Variants in NEGR1 observed in about 807,000 individuals in gnomAD.
NEGR1 encodes neuronal growth regulator 1.
In NEGR1, 10 loss-of-function variants were observed where a neutral mutation model predicts 40.9. The ratio of observed to expected loss-of-function variants is 0.24; its 90% CI spans 0.15 to 0.42. The LOEUF is 0.42. Ranked by LOEUF, NEGR1 falls within the 10% of genes least tolerant of loss-of-function variation. The pLI, the probability that NEGR1 is intolerant of heterozygous loss-of-function variation, is 1.00. For missense variants in NEGR1, 352 were observed against 438.9 expected (o/e 0.80, Z 1.77); for synonymous variants, 185 against 166.8 (o/e 1.11, Z -0.84).
At chr1:72,274,919 A>G (rs1655986031) in intron 1 of NEGR1, 4 of 1,578,502 alleles carry the variant, frequency 2.5e-6, no homozygotes, top group East Asian at 2.2e-5. Flanking sequence ...CGAAAGTCAG[A>G]TATCTACGTC....
At chr1:72,046,771 T>C (rs535789480) in intron 1 of NEGR1, among the ~76,000 whole-genome samples, 1 of 151,738 alleles carries the variant, frequency 6.6e-6, no homozygotes, top group South Asian at 2.1e-4. Flanking sequence ...ATGCAAGATA[T>C]AAGACAAAGA....
At chr1:72,265,911 CT>C (rs534374524) in intron 1 of NEGR1, among the ~76,000 whole-genome samples, 69 of 150,570 alleles carry the variant, frequency 4.6e-4, no homozygotes, top group African/African-American at 1.5e-3. Flanking sequence ...TTATACTCCC[CT>C]ATTCAAAAAA....
At chr1:72,170,493 T>C (rs1481520477) in intron 1 of NEGR1, among the ~76,000 whole-genome samples, 1 of 152,172 alleles carries the variant, frequency 6.6e-6, no homozygotes, top group Non-Finnish European at 1.5e-5. Context: ...GTATTCAAAA[T>C]GGAATCTGGA....
chr1:71,968,987 C>T (rs1194042641), intron 1 of NEGR1, among the ~76,000 whole-genome samples: 1 of 151,968 alleles, frequency 6.6e-6, no homozygotes, highest in Non-Finnish European at 1.5e-5. Context: ...GGCTGCAGCT[C>T]AACCCCTACA....
chr1:72,274,764 G>A, intron 1 of NEGR1: 1 of 1,271,752 alleles, frequency 7.9e-7, no homozygotes, highest in Non-Finnish European at 1.2e-6. Flanking sequence ...GCTGTAAGCA[G>A]TTCATCTGTG....
intron 1 of NEGR1, among the ~76,000 whole-genome samples, chr1:72,192,899 T>C (rs1398433054): frequency 6.6e-6 from 1 of 151,888 alleles, no homozygotes; most frequent in Admixed American, 6.6e-5. Context: ...ATTAGGTTAT[T>C]GATGGCCTGA....
intron 2 of NEGR1, among the ~76,000 whole-genome samples, chr1:71,920,470 A>T (rs879856024): frequency 1.3e-5 from 2 of 152,174 alleles, no homozygotes; most frequent in Non-Finnish European, 2.9e-5. Flanking sequence ...AAAGCTGGGT[A>T]TGATCCTACA....
chr1:71,768,253 G>A (rs1373169936), intron 3 of NEGR1, among the ~76,000 whole-genome samples: 1 of 152,184 alleles, frequency 6.6e-6, no homozygotes, highest in Non-Finnish European at 1.5e-5. Flanking sequence ...ATTAGCCCAT[G>A]AGAGCAGCCA....
intron 6 of NEGR1, among the ~76,000 whole-genome samples, chr1:71,561,595 CAAAT>C (rs1439764947): frequency 1.3e-5 from 2 of 151,568 alleles, no homozygotes; most frequent in Non-Finnish European, 3.0e-5. Flanking sequence ...GCTATTAAAA[CAAAT>C]AGTCATCTGA....
chr1:71,971,357 G>T (rs1459133355), intron 1 of NEGR1, among the ~76,000 whole-genome samples: 1 of 152,108 alleles, frequency 6.6e-6, no homozygotes, highest in African/African-American at 2.4e-5. Flanking sequence ...CCAAGGAAAT[G>T]AATTCATTCA....
At chr1:71,697,202 A>C (rs1653505264) in intron 4 of NEGR1, among the ~76,000 whole-genome samples, 1 of 151,910 alleles carries the variant, frequency 6.6e-6, no homozygotes, top group South Asian at 2.1e-4. Context: ...AAGATAAGTA[A>C]GTAGAATTTT....
chr1:71,579,603 A>AT (rs36097070), intron 6 of NEGR1, among the ~76,000 whole-genome samples: 26,899 of 138,802 alleles, frequency 0.19, 4,921 homozygotes, highest in African/African-American at 0.47. Flanking sequence ...ACTACTTAAG[A>AT]TTTTTTTTTT....
intron 4 of NEGR1, among the ~76,000 whole-genome samples, chr1:71,621,479 C>T (rs1167525874): frequency 1.3e-5 from 2 of 151,332 alleles, no homozygotes; most frequent in African/African-American, 2.4e-5. Context: ...ACAAGAAAGA[C>T]AATAAGTGAA....
chr1:71,511,855 T>C (rs568216176), intron 6 of NEGR1, among the ~76,000 whole-genome samples: 1 of 152,326 alleles, frequency 6.6e-6, no homozygotes, highest in South Asian at 2.1e-4. Context: ...GGCCCATCTT[T>C]CTTTATGTTC....
intron 2 of NEGR1, among the ~76,000 whole-genome samples, chr1:71,833,113 C>T (rs918718668): frequency 5.3e-5 from 8 of 151,900 alleles, no homozygotes; most frequent in African/African-American, 1.7e-4. Context: ...GGAAAAATTA[C>T]GTTTTCTTCA....
chr1:71,475,799 G>T (rs1033581813), intron 6 of NEGR1, among the ~76,000 whole-genome samples: 3 of 151,710 alleles, frequency 2.0e-5, no homozygotes, highest in African/African-American at 7.3e-5. Flanking sequence ...CTTTCTCTCT[G>T]GCAAAAATTT....
intron 2 of NEGR1, among the ~76,000 whole-genome samples, chr1:71,856,242 A>C (rs1046208446): frequency 6.6e-6 from 1 of 152,060 alleles, no homozygotes; most frequent in African/African-American, 2.4e-5. Flanking sequence ...TACATAAGGA[A>C]ATATAAGTTT....
chr1:71,427,608 C>A (rs991308516), intron 6 of NEGR1, among the ~76,000 whole-genome samples: 1 of 151,990 alleles, frequency 6.6e-6, no homozygotes, highest in African/African-American at 2.4e-5. Context: ...ATAGTATTTC[C>A]TGCACCTTTA....
chr1:71,589,006 A>G (rs641226), intron 6 of NEGR1, among the ~76,000 whole-genome samples: 136,129 of 152,108 alleles, frequency 0.89, 62,269 homozygotes, highest in Non-Finnish European at 1. Flanking sequence ...GAAAAGCGCA[A>G]TTTATTATCC....
Sources: allele counts gnomAD v4.1 joint callset (sites outside exome capture counted in the v4.1 genomes callset), GRCh38; gene constraint gnomAD v4.1.1; transcripts MANE v1.5; gene names NCBI Gene and HGNC (gene_info 2026-07-23, HGNC 2026-07-21).